PCNX2: variants seen among roughly 807,000 people sequenced by gnomAD.
PCNX2 encodes pecanex 2.
Under a neutral mutation model 223.8 loss-of-function variants are expected in PCNX2, and 168 were observed. That is an observed-to-expected ratio of 0.75 (90% CI 0.66 to 0.85). The LOEUF (loss-of-function observed/expected upper bound fraction) is 0.85. Ranked by LOEUF, PCNX2 falls within the 40% of genes least tolerant of loss-of-function variation. The pLI is 0.00. For missense variants in PCNX2, 2,507 were observed against 2,675.5 expected (o/e 0.94, Z 1.39); for synonymous variants, 1,006 against 1,052.6 (o/e 0.96, Z 0.86).
Position 233,258,607 on chromosome 1 carries a change from C to G in PCNX2, c.1255G>C (p.Gly419Arg). The change falls in exon 5 of 34, where the codon GGT becomes CGT. Residue 419 changes from glycine (G) to arginine (R), a missense_variant. Coordinates refer to ENST00000258229, the MANE Select transcript of PCNX2 (RefSeq NM_014801.4). ...GAGATCTGCTCGGCATTTGGAGAAC[C>G]GGCCGCCCCTGGGTTAGTGGGCTCA... Reference protein sequence around the residue: ...DAEPTNPGAAGSPNAEQISIP... With the variant: ...DAEPTNPGAARSPNAEQISIP... 3 of 1,613,914 alleles carry G rather than the reference C, an allele frequency of 1.9e-6. No homozygotes were observed. Among genetic ancestry groups the G allele is most frequent in the Non-Finnish European group, 2.5e-6 (3 of 1,179,860 alleles).
Position 233,259,210 on chromosome 1 carries a change from C to T in PCNX2, c.652G>A (p.Val218Ile). 1.9e-6 allele frequency: 3 copies of T among 1,613,942 alleles called. No homozygotes were observed. Among genetic ancestry groups the T allele is most frequent in the Non-Finnish European group, 2.5e-6 (3 of 1,179,874 alleles). The change falls in exon 5 of 34, where the codon GTT becomes ATT. Residue 218 changes from valine (V) to isoleucine (I), a missense_variant. Transcript: ENST00000258229. Reference protein sequence around the residue: ...TTKSVIPVKPVATETLINGKG... With the variant: ...TTKSVIPVKPIATETLINGKG... ...CCATTGATGAGAGTTTCTGTGGCAA[C>T]TGGTTTTACAGGTATTACTGACTTG...
At chr1:233,133,848 T>C (rs76210621) in intron 21 of PCNX2, among the ~76,000 whole-genome samples, 1,687 of 152,206 alleles carry the variant, frequency 0.011, 29 homozygotes, top group African/African-American at 0.039. Context: ...AGTGGCATTG[T>C]GTTTGTGAAG....
intron 33 of PCNX2, chr1:232,985,885 A>G: frequency 6.3e-6 from 4 of 637,174 alleles, no homozygotes; most frequent in Non-Finnish European, 8.4e-6. Flanking sequence ...CGTTTACAGG[A>G]TATCTGCTCT....
At chr1:233,315,636 T>G in the PCNX2 span, among the ~76,000 whole-genome samples, 1 of 152,168 alleles carries the variant, frequency 6.6e-6, no homozygotes, top group African/African-American at 2.4e-5. Flanking sequence ...AACCATCATT[T>G]TCATAGAACA....
intron 9 of PCNX2, among the ~76,000 whole-genome samples, chr1:233,235,153 AAGG>A (rs1221246262): frequency 1.3e-5 from 2 of 152,148 alleles, no homozygotes; most frequent in Non-Finnish European, 2.9e-5. Flanking sequence ...AGGCCCTGGA[AAGG>A]AGGAGGAGGA....
At position 233,139,983 on chromosome 1, in the gene PCNX2, G is replaced by T; in HGVS notation, c.3518-128C>A. 8.6e-7 allele frequency: 1 copy of T among 1,168,110 alleles called. No homozygotes were observed. The highest frequency in any genetic ancestry group is 1.2e-6 in the Non-Finnish European group (1 of 848,590). The allele number at this position is 1,168,110 out of a possible 1,614,324, so 72.4% of individuals were successfully genotyped here. On this transcript the variant is annotated intron_variant, in intron 19 of 33. Transcript: ENST00000258229. The surrounding 1 kb of genome is among the most constrained non-coding windows in gnomAD (Gnocchi z 4.4). ...TGCTAATTAAGAACTCGTGATACTA[G>T]ACATGATATACCATTTTTTTCCAGG...
At chr1:233,002,184 G>A (rs1273732834) in intron 28 of PCNX2, among the ~76,000 whole-genome samples, 1 of 152,064 alleles carries the variant, frequency 6.6e-6, no homozygotes, top group Non-Finnish European at 1.5e-5. Flanking sequence ...TAAATTAAAT[G>A]TCAAATGGGT....
At chr1:233,214,817 GCTACTGTAT>G in intron 12 of PCNX2, among the ~76,000 whole-genome samples, 1 of 152,130 alleles carries the variant, frequency 6.6e-6, no homozygotes, top group South Asian at 2.1e-4. Flanking sequence ...GAGCCCAGGG[GCTACTGTAT>G]CATACCTGTT....
intron 19 of PCNX2, among the ~76,000 whole-genome samples, chr1:233,159,125 AG>A: frequency 6.6e-6 from 1 of 152,156 alleles, no homozygotes. Flanking sequence ...TAAGTCTCCA[AG>A]GGGAGAGAAG....
At chr1:233,073,030 T>A (rs762938961) in intron 23 of PCNX2, among the ~76,000 whole-genome samples, 18 of 152,048 alleles carry the variant, frequency 1.2e-4, no homozygotes, top group Admixed American at 5.9e-4. Context: ...TTGTAGGGAG[T>A]TTTTTAAAAA....
At chr1:233,101,061 T>C (rs982289217) in intron 21 of PCNX2, among the ~76,000 whole-genome samples, 1 of 152,174 alleles carries the variant, frequency 6.6e-6, no homozygotes, top group African/African-American at 2.4e-5. Flanking sequence ...GCTGAGGCTC[T>C]TGAGTGCTTG....
chr1:233,091,833 CATCCTCCAT>C (rs922688556), intron 22 of PCNX2, among the ~76,000 whole-genome samples: 3 of 149,860 alleles, frequency 2.0e-5, no homozygotes, highest in African/African-American at 7.4e-5. Flanking sequence ...TAAAATGTCA[CATCCTCCAT>C]TAATAATCCA....
intron 19 of PCNX2, among the ~76,000 whole-genome samples, chr1:233,151,051 CAA>C (rs34957147): frequency 0.51 from 77,621 of 151,706 alleles, 20,854 homozygotes; most frequent in South Asian, 0.59. Flanking sequence ...ACCATCTTGC[CAA>C]GAGCAAGGAC....
Position 232,985,826 on chromosome 1 carries a change from C to T in PCNX2, c.6240+266G>A. On this transcript the variant is annotated intron_variant, in intron 33 of 33. Transcript: ENST00000258229. ...TGTAGGGCAGATGGCCACAGTTCTG[C>T]AGAACCTCTGTATCCGGTGACTCCT... 4 of 602,730 alleles carry T rather than the reference C, an allele frequency of 6.6e-6. No individual in the cohort carries two copies. The East Asian group carries it at 1.1e-4, about 17-fold the overall frequency. The allele number at this position is 602,730 out of a possible 1,614,324, so 37.3% of individuals were successfully genotyped here.
intron 30 of PCNX2, among the ~76,000 whole-genome samples, chr1:232,999,857 T>C (rs1349620385): frequency 6.6e-6 from 1 of 152,204 alleles, no homozygotes; most frequent in Non-Finnish European, 1.5e-5. Context: ...ATGGGGAAAC[T>C]GAGAGAGAAT....
chr1:233,199,525 T>C (rs776577658), intron 14 of PCNX2, among the ~76,000 whole-genome samples: 5 of 152,156 alleles, frequency 3.3e-5, no homozygotes, highest in African/African-American at 4.8e-5. Context: ...TGATTTCATT[T>C]ACTCTTTATA....
chr1:233,201,402 T>C (rs918723071), intron 13 of PCNX2: 1 of 152,244 alleles, frequency 6.6e-6, no homozygotes, highest in Non-Finnish European at 1.5e-5. Flanking sequence ...TACGTAACTA[T>C]ATAAGACATC....
chr1:233,089,869 T>C (rs1301243321), intron 23 of PCNX2, 192 bp downstream of exon 23: 1 of 1,361,708 alleles, frequency 7.3e-7, no homozygotes, highest in African/African-American at 1.5e-5. Flanking sequence ...AAATCAGTCA[T>C]GTTCTTTCCA....
chr1:233,267,272 G>A (rs1453342702), intron 1 of PCNX2, among the ~76,000 whole-genome samples: 2 of 123,644 alleles, frequency 1.6e-5, no homozygotes, highest in Non-Finnish European at 3.9e-5. Context: ...AGCCAAGATC[G>A]CACGCACCAT....
Sources: gnomAD v4.1 joint callset for allele counts (sites outside exome capture counted in the v4.1 genomes callset) on GRCh38, gnomAD v4.1.1 for gene constraint, Gnocchi (gnomAD v3.1) non-coding constraint, MANE v1.5 for transcripts, NCBI Gene and HGNC (gene_info 2026-07-23, HGNC 2026-07-21) for gene names.